The following DMD variants were observed in gnomAD, a reference collection of about 807,000 sequenced individuals.
DMD encodes the protein dystrophin.
Under a neutral mutation model 330.1 loss-of-function variants are expected in DMD, and 63 were observed. The ratio of observed to expected loss-of-function variants is 0.19; its 90% CI spans 0.16 to 0.24. The LOEUF (loss-of-function observed/expected upper bound fraction) is 0.24. Among genes scored for constraint, DMD ranks in the 10% least tolerant of loss-of-function variants. The probability of loss-of-function intolerance (pLI) is 1.00; values close to 1 mark genes in which losing one functional copy is unlikely to be tolerated. For missense variants in DMD, 3,344 were observed against 2,684.1 expected, an observed-to-expected ratio of 1.25 and a Z score of -5.43; for synonymous variants, 1,223 against 959.8, an observed-to-expected ratio of 1.27 and a Z score of -5.07.
rs375328434 is a variant in DMD, at chrX:31,180,520, G to T, written c.9975-39C>A. 14 of 898,267 alleles carry T rather than the reference G, an allele frequency of 1.6e-5. No homozygotes were observed. In the African/African-American group the frequency reaches 2.3e-4, roughly 15 times the overall value. The allele number at this position is 898,267 out of a possible 1,213,427, so 74.0% of individuals were successfully genotyped here. ...AAAACAAACACGTATGTATTTCTTC[G>T]AATCAAATTCCCAAAGAACACTCTT... On this transcript the variant is annotated intron_variant, in intron 68 of 78. Transcript: ENST00000357033.
chrX:31,410,016 T>A (rs1197984569), intron 60 of DMD, among the ~76,000 whole-genome samples: 1 of 111,263 alleles, frequency 9.0e-6, no homozygotes, highest in African/African-American at 3.3e-5. Flanking sequence ...GACAGGGTTT[T>A]GCCATGTTGG....
chrX:32,870,210 AG>A (rs2082840560), intron 2 of DMD, among the ~76,000 whole-genome samples: 1 of 111,638 alleles, frequency 9.0e-6, no homozygotes, highest in African/African-American at 3.3e-5. Context: ...GAATAAAGTA[AG>A]TAGGAATACA....
At chrX:32,986,937 A>T (rs2092858728) in intron 2 of DMD, among the ~76,000 whole-genome samples, 1 of 112,308 alleles carries the variant, frequency 8.9e-6, no homozygotes, top group Non-Finnish European at 1.9e-5. Flanking sequence ...ATTTGGAAAG[A>T]TTATTCGGTA....
chrX:32,397,103 T>C (rs2098050169), intron 30 of DMD, among the ~76,000 whole-genome samples: 1 of 111,425 alleles, frequency 9.0e-6, no homozygotes. Flanking sequence ...AAAATAAAAT[T>C]GTGGAAGAAA....
intron 44 of DMD, among the ~76,000 whole-genome samples, chrX:32,142,977 T>G (rs987497656): frequency 7.2e-5 from 8 of 111,536 alleles, no homozygotes; most frequent in African/African-American, 2.6e-4. Flanking sequence ...ATCATCATCC[T>G]TCAGGTAGAG....
At chrX:32,556,856 T>C (rs1458167233) in intron 16 of DMD, among the ~76,000 whole-genome samples, 1 of 112,043 alleles carries the variant, frequency 8.9e-6, no homozygotes, top group Non-Finnish European at 1.9e-5. Flanking sequence ...TATTCTAGTA[T>C]TTGAATATTT....
chrX:32,962,145 A>G (rs1452541701), intron 2 of DMD, among the ~76,000 whole-genome samples: 1 of 111,908 alleles, frequency 8.9e-6, no homozygotes, highest in Non-Finnish European at 1.9e-5. Context: ...AGAGAAAAGC[A>G]GTAAAATAGT....
intron 62 of DMD, chrX:31,261,622 C>T (rs1214580181): frequency 8.5e-6 from 1 of 117,577 alleles, no homozygotes; most frequent in Non-Finnish European, 1.8e-5. Context: ...TTTCTTTAAA[C>T]GCAGTACGCT....
chrX:31,786,887 C>T (rs994499553), intron 50 of DMD, among the ~76,000 whole-genome samples: 9 of 111,840 alleles, frequency 8.0e-5, no homozygotes, highest in African/African-American at 2.6e-4. Flanking sequence ...CCAATACTGC[C>T]TCCTTCACTT....
chrX:33,226,987 C>T (rs920341067), intron 1 of DMD, among the ~76,000 whole-genome samples: 2 of 109,189 alleles, frequency 1.8e-5, no homozygotes, highest in Non-Finnish European at 3.8e-5. Flanking sequence ...TAAAAGGATA[C>T]TGCAACTAGA....
At chrX:32,149,103 A>T (rs1405714836) in intron 44 of DMD, among the ~76,000 whole-genome samples, 8 of 112,130 alleles carry the variant, frequency 7.1e-5, no homozygotes, top group Non-Finnish European at 1.1e-4. Context: ...GACTGAATAC[A>T]TTTCAAGAAA....
intron 47 of DMD, among the ~76,000 whole-genome samples, chrX:31,882,323 C>T (rs2094084780): frequency 9.0e-6 from 1 of 111,578 alleles, no homozygotes; most frequent in Non-Finnish European, 1.9e-5. Flanking sequence ...GTAAATAGCA[C>T]CAAGTTAACT....
intron 1 of DMD, among the ~76,000 whole-genome samples, chrX:33,187,434 C>T (rs185577159): frequency 8.9e-6 from 1 of 112,539 alleles, no homozygotes; most frequent in African/African-American, 3.2e-5. Flanking sequence ...GAGATATGTG[C>T]AAGGCACAAT....
intron 1 of DMD, among the ~76,000 whole-genome samples, chrX:33,238,219 G>A (rs1313849628): frequency 2.7e-5 from 3 of 111,832 alleles, no homozygotes; most frequent in Non-Finnish European, 1.9e-5. Context: ...TTTGATGCCT[G>A]TACTCACTTG....
intron 1 of DMD, among the ~76,000 whole-genome samples, chrX:33,042,262 C>T (rs2094314215): frequency 8.9e-6 from 1 of 111,865 alleles, no homozygotes; most frequent in Non-Finnish European, 1.9e-5. Flanking sequence ...ATATTCCCTT[C>T]TCAACAGCCT....
intron 51 of DMD, among the ~76,000 whole-genome samples, chrX:31,761,611 A>ACCTAATACCACGTATATTGATGATGT (rs1385865115): frequency 2.7e-5 from 3 of 112,023 alleles, no homozygotes; most frequent in Non-Finnish European, 5.6e-5. Flanking sequence ...AAAACTGATG[A>ACCTAATACCACGTATATTGATGATGT]CCTAATACCA....
chrX:32,852,642 G>A (rs2081230377), intron 2 of DMD, among the ~76,000 whole-genome samples: 1 of 110,280 alleles, frequency 9.1e-6, no homozygotes, highest in Non-Finnish European at 1.9e-5. Context: ...GACTCACCTG[G>A]GGCCTGAGGA....
intron 11 of DMD, among the ~76,000 whole-genome samples, chrX:32,642,160 A>G (rs1261188473): frequency 8.9e-6 from 1 of 112,005 alleles, no homozygotes; most frequent in East Asian, 2.8e-4. Context: ...ACATAGTCAA[A>G]GTGGCAAGGA....
chrX:31,936,245 G>T (rs1372932075), intron 45 of DMD, among the ~76,000 whole-genome samples: 1 of 110,929 alleles, frequency 9.0e-6, no homozygotes, highest in Non-Finnish European at 1.9e-5. Flanking sequence ...GTATCTGCTG[G>T]AATGAGAATG....
Sources: gnomAD v4.1 joint callset for allele counts (sites outside exome capture counted in the v4.1 genomes callset) on GRCh38, gnomAD v4.1.1 for gene constraint, MANE v1.5 for transcripts, NCBI Gene and HGNC (gene_info 2026-07-23, HGNC 2026-07-21) for gene names.